The following OLFML1 variants were observed in gnomAD, a reference collection of about 807,000 sequenced individuals.
OLFML1 encodes the protein olfactomedin-like protein 1.
Under a neutral mutation model 37.3 loss-of-function variants are expected in OLFML1, and 33 were observed. That is an observed-to-expected ratio of 0.88 (90% CI 0.67 to 1.18). The LOEUF (loss-of-function observed/expected upper bound fraction) is 1.18, where lower values mean the gene tolerates loss of function less well. OLFML1 is among the 50% of genes most tolerant of loss of function. OLFML1 has a pLI of 0.00. For synonymous variants in OLFML1, 186 were observed against 181.3 expected, an observed-to-expected ratio of 1.03 and a Z score of -0.21; for missense variants, 545 against 483.7, an observed-to-expected ratio of 1.13 and a Z score of -1.19.
intron 1 of OLFML1, 30 bp from the exon 2 acceptor site, chr11:7,488,097 A>G: frequency 1.3e-6 from 2 of 1,554,642 alleles, no homozygotes; most frequent in Non-Finnish European, 1.8e-6. Flanking sequence ...ATAACAAGCA[A>G]TAATTTGCAA....
rs147122619 is a variant in OLFML1 at position 7,503,921 on chromosome 11, A to G, written c.419-5477A>G. Among the ~76,000 whole-genome samples the G allele has an allele frequency of 7.4e-3, 1,130 of 152,312 alleles. 18 individuals are homozygous for G. Among genetic ancestry groups the G allele is most frequent in the African/African-American group, 0.026 (1,064 of 41,544 alleles). Reference sequence around the variant, plus strand: ...CTATGTGCCAGATGCTATTCTAGGAACAAGGCATACAGTAGTGAATGAAAC... The same window carrying G: ...CTATGTGCCAGATGCTATTCTAGGAGCAAGGCATACAGTAGTGAATGAAAC... On this transcript the variant is annotated intron_variant, in intron 2 of 2. Coordinates refer to ENST00000329293, the MANE Select transcript of OLFML1 (RefSeq NM_198474.4).
At chr11:7,492,064 G>T (rs1156409275) in intron 2 of OLFML1, among the ~76,000 whole-genome samples, 1 of 152,164 alleles carries the variant, frequency 6.6e-6, no homozygotes, top group South Asian at 2.1e-4. Flanking sequence ...TACACTCACA[G>T]GTCCTGCCCA....
In OLFML1 at chr11:7,485,896, A is replaced by C. The variant is rs766795599; in HGVS notation, c.21A>C (p.Gly7=). Residue 7 remains glycine, a synonymous_variant, in exon 1 of 3, where the codon GGA becomes GGC. Coordinates refer to ENST00000329293, the MANE Select transcript of OLFML1 (RefSeq NM_198474.4). MMVALR[G]ASALLVLFLA... is the part of the protein sequence containing the mutation. Reference sequence around the variant, plus strand: ...GCAGGATGATGGTGGCCCTTCGAGGAGCTTCTGCATTGCTGGTTCTGTTCC... The same window carrying C: ...GCAGGATGATGGTGGCCCTTCGAGGCGCTTCTGCATTGCTGGTTCTGTTCC... 5 of 1,613,554 alleles carry C rather than the reference A, an allele frequency of 3.1e-6. No homozygotes were observed. Among genetic ancestry groups the C allele is most frequent in the Non-Finnish European group, 3.4e-6 (4 of 1,179,910 alleles).
chr11:7,486,721 G>A (rs1441244767), intron 1 of OLFML1, among the ~76,000 whole-genome samples: 1 of 152,056 alleles, frequency 6.6e-6, no homozygotes, highest in Non-Finnish European at 1.5e-5. Flanking sequence ...CATACTTAAT[G>A]GCTTGCTTTT....
At position 7,488,311 on chromosome 11, in the gene OLFML1, T is replaced by A. The variant is rs1590056723; in HGVS notation, c.314T>A (p.Leu105His). 1 of 1,614,086 alleles carries A rather than the reference T, an allele frequency of 6.2e-7. No homozygotes were observed. The highest frequency in any genetic ancestry group is 8.5e-7 in the Non-Finnish European group (1 of 1,179,982). ...AQREIDYIQY[L>H]READECIESE... ...CGGGAGATTGACTACATACAATACC[T>A]TCGAGAGGCTGACGAGTGCATCGAA... Residue 105 changes from leucine (L) to histidine (H), a missense_variant, in exon 2 of 3, where the codon CTT becomes CAT. Leu to His is a moderately conservative substitution (Grantham distance 99). Transcript: ENST00000329293.
intron 2 of OLFML1, among the ~76,000 whole-genome samples, chr11:7,508,235 G>A (rs1035364919): frequency 6.6e-6 from 1 of 152,176 alleles, no homozygotes; most frequent in Non-Finnish European, 1.5e-5. Flanking sequence ...GGGTGGCAGA[G>A]GCAGAAGAGA....
intron 1 of OLFML1, 149 bp downstream of exon 1, chr11:7,486,153 G>T: frequency 1.3e-6 from 1 of 760,356 alleles, no homozygotes; most frequent in East Asian, 2.7e-5. Context: ...TCATAGTCTG[G>T]CAGTTTAGAG....
chr11:7,488,874 T>C (rs1848561968), intron 2 of OLFML1: 1 of 158,312 alleles, frequency 6.3e-6, no homozygotes, highest in Non-Finnish European at 1.4e-5. Flanking sequence ...GAATCACTAT[T>C]GTGTGTGCTG....
Position 7,488,381 on chromosome 11 carries a change from A to G in OLFML1, c.384A>G (p.Glu128=), listed in dbSNP as rs142841446. The G allele has an allele frequency of 3.3e-5, 53 of 1,613,986 alleles. No individual in the cohort carries two copies. The African/African-American group carries it at 6.3e-4, about 19-fold the overall frequency. Residue 128 remains glutamate, a synonymous_variant, in exon 2 of 3, where the codon GAA becomes GAG. Transcript: ENST00000329293. ...TLAEMLLQEA[E]EEKKIRTLLN... is the part of the protein sequence containing the mutation. ...CAGAAATGTTGCTCCAAGAAGCTGA[A>G]GAAGAGAAAAAGATCCGGACTCTGC...
chr11:7,494,358 A>G (rs922626259), intron 2 of OLFML1, among the ~76,000 whole-genome samples: 4 of 152,250 alleles, frequency 2.6e-5, no homozygotes, highest in African/African-American at 9.6e-5. Flanking sequence ...ATATTACTGA[A>G]TGCGTATTAT....
At chr11:7,503,112 T>C (rs1303719669) in intron 2 of OLFML1, among the ~76,000 whole-genome samples, 1 of 152,112 alleles carries the variant, frequency 6.6e-6, no homozygotes, top group Non-Finnish European at 1.5e-5. Flanking sequence ...AGTAGGGACA[T>C]TGAGTAAGCA....
At position 7,491,078 on chromosome 11, in the gene OLFML1, T is replaced by C. The variant is rs142236128; in HGVS notation, c.418+2663T>C. Among the ~76,000 whole-genome samples the C allele has an allele frequency of 3.7e-3, 559 of 151,184 alleles. 9 individuals carry two copies. The highest frequency in any genetic ancestry group is 0.013 in the African/African-American group (530 of 41,362). ...CCCAAATGCAGTTTAAATATACATA[T>C]ACATATTTTTATGTATGTGTGTATA... On this transcript the variant is annotated intron_variant, in intron 2 of 2. Coordinates refer to ENST00000329293, the MANE Select transcript of OLFML1 (RefSeq NM_198474.4).
At chr11:7,496,329 T>C (rs1349750990) in intron 2 of OLFML1, among the ~76,000 whole-genome samples, 3 of 152,244 alleles carry the variant, frequency 2.0e-5, no homozygotes, top group African/African-American at 4.8e-5. Flanking sequence ...CTATGACCTC[T>C]AGTTATACCC....
In OLFML1 at chr11:7,485,940, C is replaced by CG; in HGVS notation, c.66dup (p.Pro23AlafsTer58). On this transcript the variant is annotated frameshift_variant, in exon 1 of 3. Coordinates refer to ENST00000329293, the MANE Select transcript of OLFML1 (RefSeq NM_198474.4). LOFTEE classifies it high-confidence loss of function. ...CTGTTCCTTGCAGCTTTTCTGCCCC[C>CG]GCCGCAGTGTACCCAGGACCCAGCC... The CG allele has an allele frequency of 6.2e-7, 1 of 1,613,988 alleles. No individual in the cohort carries two copies. The highest frequency in any genetic ancestry group is 8.5e-7 in the Non-Finnish European group (1 of 1,179,920).
intron 1 of OLFML1, 117 bp downstream of exon 1, chr11:7,486,121 C>A: frequency 3.0e-6 from 3 of 993,222 alleles, no homozygotes; most frequent in Non-Finnish European, 4.5e-6. Context: ...TGACACATTG[C>A]CAAAGTTACA....
Position 7,488,121 on chromosome 11 carries a change from CT to C in OLFML1, c.130-5del. ...AATAATTTGCAAATTTATTTTCTGA[CT>C]GAAGCAAGGGCTGGAAAAATGTACC... On this transcript the variant is annotated splice_region_variant and splice_polypyrimidine_tract_variant and intron_variant, in intron 1 of 2. Coordinates refer to ENST00000329293, the MANE Select transcript of OLFML1 (RefSeq NM_198474.4). The C allele has an allele frequency of 6.3e-7, 1 of 1,582,068 alleles. No homozygotes were observed.
chr11:7,501,782 A>G (rs557104764), intron 2 of OLFML1, among the ~76,000 whole-genome samples: 1 of 152,350 alleles, frequency 6.6e-6, no homozygotes, highest in African/African-American at 2.4e-5. Flanking sequence ...AGAACTCTGG[A>G]AGTGCAGTAA....
rs746209945 is a variant in OLFML1, at chr11:7,510,047, G to A, written c.1068G>A (p.Leu356=). 3.1e-6 allele frequency: 5 copies of A among 1,614,232 alleles called. No homozygotes were observed. Among genetic ancestry groups the A allele is most frequent in the Middle Eastern group, 1.6e-4 (1 of 6,062 alleles). ...TGGGCACTATCAGTGAGGAGGACTT[G>A]CCCAACTTGTTCTTCCCCAAGAGAC... The part of the protein sequence containing the change: ...DPLGTISEED[L]PNLFFPKRPR... Residue 356 remains leucine, a synonymous_variant, in exon 3 of 3, where the codon TTG becomes TTA. Transcript: ENST00000329293.
chr11:7,509,560 C>CA lies in OLFML1; in HGVS notation c.582dup (p.Phe195IlefsTer5). 1 of 1,614,192 alleles carries CA rather than the reference C, an allele frequency of 6.2e-7. No individual in the cohort carries two copies. The highest frequency in any genetic ancestry group is 8.5e-7 in the Non-Finnish European group (1 of 1,180,030). ...GTTTGGGAATTTGCAAACATACGGG[C>CA]ATTCATGGAGGATAACACCAAGCCA... On this transcript the variant is annotated frameshift_variant, in exon 3 of 3. Coordinates refer to ENST00000329293, the MANE Select transcript of OLFML1 (RefSeq NM_198474.4). LOFTEE classifies it high-confidence loss of function.
Sources: allele counts gnomAD v4.1 joint callset (sites outside exome capture counted in the v4.1 genomes callset), GRCh38; gene constraint gnomAD v4.1.1; transcripts MANE v1.5; gene names NCBI Gene and HGNC (gene_info 2026-07-23, HGNC 2026-07-21).